SORBS3: variants seen among roughly 807,000 people sequenced by gnomAD.
SORBS3 encodes the protein sorbin and SH3 domain containing 3, also known as vinexin.
A neutral mutation model predicts 98.0 loss-of-function variants in SORBS3; 69 were observed. That is an observed-to-expected ratio of 0.70 (90% CI 0.58 to 0.86). The LOEUF is 0.86. SORBS3 is among the 40% of genes least tolerant of loss of function. The pLI is 0.00. For missense variants in SORBS3, 954 were observed against 908.5 expected, an observed-to-expected ratio of 1.05 and a Z score of -0.64; for synonymous variants, 394 against 355.4, an observed-to-expected ratio of 1.11 and a Z score of -1.22.
intron 12 of SORBS3, 174 bp downstream of exon 12, chr8:22,566,046 C>T: frequency 1.8e-6 from 1 of 570,604 alleles, no homozygotes; most frequent in Non-Finnish European, 2.6e-6. Flanking sequence ...GGCGCCGTTC[C>T]CGCGCCACCG....
chr8:22,561,075 C>T (rs1466729807), intron 5 of SORBS3: 10 of 435,386 alleles, frequency 2.3e-5, no homozygotes, highest in Non-Finnish European at 4.1e-5. Flanking sequence ...TGTGTGGGAA[C>T]AGGGAGGGAG....
At chr8:22,566,225 G>A in intron 12 of SORBS3, 120 bp from the exon 13 acceptor site, 2 of 1,332,764 alleles carry the variant, frequency 1.5e-6, no homozygotes, top group Non-Finnish European at 2.0e-6. Context: ...CCAGGACCCG[G>A]GAGACGCCCT....
chr8:22,551,974 C>T lies in SORBS3; in HGVS notation c.-104C>T, dbSNP rs1037018580. 252 of 985,046 alleles carry T rather than the reference C, an allele frequency of 2.6e-4. No individual in the cohort carries two copies. The highest frequency in any genetic ancestry group is 3.0e-4 in the Non-Finnish European group (247 of 829,722). The allele number at this position is 985,046 out of a possible 1,614,324, so 61.0% of individuals were successfully genotyped here. ...CAGGCAGCAGCCGGGCAGGGATGCT[C>T]CTGCGCTCCCGGGCGGCCTCGGGCC... is the stretch of plus-strand genomic sequence containing the variant. On this transcript the variant is annotated 5_prime_UTR_variant, in exon 1 of 21. Coordinates refer to ENST00000240123, the MANE Select transcript of SORBS3 (RefSeq NM_005775.5). The surrounding 1 kb of genome is among the most constrained non-coding windows in gnomAD (Gnocchi z 5.8).
Position 22,565,350 on chromosome 8 carries a change from C to A in SORBS3, c.899C>A (p.Pro300His). 1 of 1,551,380 alleles carries A rather than the reference C, an allele frequency of 6.4e-7. No individual in the cohort carries two copies. ...LRAIETRLPS[P>H]KSSPAPRRAP... ...GCAATTGAGACCCGACTGCCGTCCC[C>A]CAAGGTACCAGCCCCCAGGGTTCAC... Residue 300 changes from proline to histidine, a missense_variant, in exon 11 of 21, where the codon CCC (proline) becomes CAC (histidine). Transcript: ENST00000240123.
chr8:22,567,329 A>C lies in SORBS3; in HGVS notation c.1305+154A>C, dbSNP rs367696076. Among the ~76,000 whole-genome samples, 12 of 152,318 alleles carry C rather than the reference A, an allele frequency of 7.9e-5. No individual in the cohort carries two copies. In the East Asian group the frequency reaches 2.3e-3, roughly 29 times the overall value. ...CCTTGGCCCCCACAGGGCTTGGCCC[A>C]ATGCTGTGCATGACCCCAGGAAATG... On this transcript the variant is annotated intron_variant, in intron 16 of 20. Transcript: ENST00000240123.
rs747359859 is a variant in SORBS3 at position 22,571,258 on chromosome 8, T to C, written c.1743+37T>C. 2.4e-6 allele frequency: 3 copies of C among 1,259,772 alleles called. No individual in the cohort carries two copies. In the East Asian group the frequency reaches 7.0e-5, roughly 30 times the overall value. 78.0% of individuals were successfully genotyped at this position (1,259,772 alleles called of 1,614,324 possible). On this transcript the variant is annotated intron_variant, in intron 18 of 20. Coordinates refer to ENST00000240123, the MANE Select transcript of SORBS3 (RefSeq NM_005775.5). ...TGCCTCCACCAGAGAGTCGACCTCCTCCTCACCCCTCATCCCCCACCCCCG... is the reference window on the plus strand; with the variant it reads ...TGCCTCCACCAGAGAGTCGACCTCCCCCTCACCCCTCATCCCCCACCCCCG...
intron 5 of SORBS3, chr8:22,561,118 C>T (rs1258691733): frequency 4.2e-6 from 2 of 481,374 alleles, no homozygotes; most frequent in South Asian, 7.6e-5. Flanking sequence ...CGGCTGCCCG[C>T]TTGGCTCGCT....
Position 22,561,727 on chromosome 8 carries a change from A to T in SORBS3, c.518-138A>T, listed in dbSNP as rs533269257. On this transcript the variant is annotated intron_variant, in intron 6 of 20. Transcript: ENST00000240123. The stretch of plus-strand genomic sequence containing the variant: ...CCCGCGTTCAGTGTCCCTGAGCACC[A>T]ACCACCCTGCCCCCACCATCCACCC... The T allele has an allele frequency of 2.7e-4, 204 of 760,030 alleles. 3 individuals carry two copies. The South Asian group carries it at 3.2e-3, about 12-fold the overall frequency. 47.1% of individuals were successfully genotyped at this position (760,030 alleles called of 1,614,324 possible).
Position 22,561,615 on chromosome 8 carries a change from C to A in SORBS3, c.517+242C>A, listed in dbSNP as rs1443817440. 5 of 611,508 alleles carry A rather than the reference C, an allele frequency of 8.2e-6. No homozygotes were observed. The African/African-American group carries it at 9.2e-5, about 11-fold the overall frequency. The allele number at this position is 611,508 out of a possible 1,614,324, so 37.9% of individuals were successfully genotyped here. On this transcript the variant is annotated intron_variant, in intron 6 of 20. Coordinates refer to ENST00000240123, the MANE Select transcript of SORBS3 (RefSeq NM_005775.5). The stretch of plus-strand genomic sequence containing the variant: ...CCCTGGCCGGGATTTCTCTGGGCCT[C>A]CCTTTCCTCATCTATAAGATGAGAT...
upstream of SORBS3, among the ~76,000 whole-genome samples, chr8:22,551,124 C>T (rs768232965): frequency 1.3e-5 from 2 of 152,082 alleles, no homozygotes; most frequent in Non-Finnish European, 2.9e-5. The surrounding 1 kb of genome is among the most constrained non-coding windows in gnomAD (Gnocchi z 5.8). Context: ...AATCCCATCC[C>T]CGCCAAAGGG....
Position 22,561,342 on chromosome 8 carries a change from G to T in SORBS3, c.486G>T (p.Gln162His), listed in dbSNP as rs114930131. The T allele has an allele frequency of 6.8e-4, 1,087 of 1,603,496 alleles. 9 individuals are homozygous for T. In the African/African-American group the frequency reaches 0.013, roughly 19 times the overall value. ...TCCCTTCTGCTCCTGCAGACTTGCA[G>T]CTGGACTGGACCTTCGAGGAGCCAC... is the stretch of plus-strand genomic sequence containing the variant. ...QQIHRKMPDL[Q>H]LDWTFEEPPR... The change falls in exon 6 of 21, where the codon CAG becomes CAT. Residue 162 changes from glutamine to histidine, a missense_variant. Physicochemically the swap from Gln to His is conservative, Grantham distance 24. Transcript: ENST00000240123.
At chr8:22,569,557 C>T (rs571423003) in intron 17 of SORBS3, among the ~76,000 whole-genome samples, 16 of 152,266 alleles carry the variant, frequency 1.1e-4, no homozygotes, top group Non-Finnish European at 1.8e-4. Context: ...CCAGGATGGT[C>T]TCAGTCTCTT....
rs554986372 is a variant in SORBS3 at position 22,571,302 on chromosome 8, G to C, written c.1743+81G>C. ...ACCCCCGTGACTTGTCCACACTTGG[G>C]ACTCCTTCCCAGACAGCCCTGGGAC... On this transcript the variant is annotated intron_variant, in intron 18 of 20. Transcript: ENST00000240123. 584 of 809,072 alleles carry C rather than the reference G, an allele frequency of 7.2e-4. 1 individual carries two copies. The highest frequency in any genetic ancestry group is 2.0e-3 in the Admixed American group (79 of 38,552). The allele number at this position is 809,072 out of a possible 1,614,324, so 50.1% of individuals were successfully genotyped here. A position where few individuals can be genotyped will look rare whatever the true frequency, so the allele number is the denominator to read the frequency against.
chr8:22,559,654 G>C (rs181817403), intron 5 of SORBS3, among the ~76,000 whole-genome samples: 34 of 151,480 alleles, frequency 2.2e-4, no homozygotes, highest in African/African-American at 7.5e-4. Flanking sequence ...AGTGAGCTGA[G>C]ACCATTCCAC....
intron 17 of SORBS3, among the ~76,000 whole-genome samples, chr8:22,570,030 C>G (rs1840532178): frequency 6.6e-6 from 1 of 152,172 alleles, no homozygotes. Context: ...TATATGTATT[C>G]TGGGCTGTTA....
At chr8:22,569,488 C>T (rs1054649676) in intron 17 of SORBS3, among the ~76,000 whole-genome samples, 6 of 152,082 alleles carry the variant, frequency 3.9e-5, no homozygotes, top group East Asian at 1.9e-4. Context: ...TACAGGCACG[C>T]GCCACAACAC....
At chr8:22,562,626 T>C (rs987172564) in intron 7 of SORBS3, among the ~76,000 whole-genome samples, 6 of 152,160 alleles carry the variant, frequency 3.9e-5, no homozygotes, top group Non-Finnish European at 7.4e-5. Context: ...GGCTCAAGAT[T>C]TGGACGCTGA....
At chr8:22,562,040 C>CA in intron 7 of SORBS3, 109 bp downstream of exon 7, 1 of 1,022,174 alleles carries the variant, frequency 9.8e-7, no homozygotes, top group African/African-American at 1.6e-5. Flanking sequence ...GGAGCCCAGC[C>CA]AGGAGTGGGG....
chr8:22,567,909 G>A (rs1020245323), intron 16 of SORBS3, among the ~76,000 whole-genome samples: 6 of 150,792 alleles, frequency 4.0e-5, no homozygotes, highest in South Asian at 2.1e-4. Flanking sequence ...GTGCAGTGGC[G>A]GGATCTTGGT....
Sources: allele counts gnomAD v4.1 joint callset (sites outside exome capture counted in the v4.1 genomes callset), GRCh38; gene constraint gnomAD v4.1.1; non-coding constraint Gnocchi (gnomAD v3.1); transcripts MANE v1.5; gene names NCBI Gene and HGNC (gene_info 2026-07-23, HGNC 2026-07-21).